Variants in KDM2A observed in about 807,000 individuals in gnomAD.
KDM2A encodes lysine demethylase 2A, also known as lysine-specific demethylase 2A.
A neutral mutation model predicts 137.3 loss-of-function variants in KDM2A; 3 were observed. The observed-to-expected ratio is 0.02, with a 90% confidence interval of 0.01 to 0.06. The LOEUF is 0.06. Ranked by LOEUF, KDM2A falls within the 10% of genes least tolerant of loss-of-function variation. The pLI is 1.00. For missense variants in KDM2A, 738 were observed against 1,510.6 expected, an observed-to-expected ratio of 0.49 and a Z score of 8.48; for synonymous variants, 512 against 541.5, an observed-to-expected ratio of 0.95 and a Z score of 0.76.
At chr11:67,136,161 T>C (rs967580657) in intron 2 of KDM2A, among the ~76,000 whole-genome samples, 1 of 152,204 alleles carries the variant, frequency 6.6e-6, no homozygotes, top group Admixed American at 6.5e-5. Flanking sequence ...TACTGTGTGC[T>C]TGGTACTGGC....
intron 5 of KDM2A, among the ~76,000 whole-genome samples, chr11:67,184,966 G>A (rs1166420412): frequency 2.0e-5 from 3 of 152,118 alleles, no homozygotes; most frequent in East Asian, 3.9e-4. Context: ...TAAGGCATAC[G>A]AAGAAAAAGG....
At chr11:67,224,984 G>A (rs1021691916) in intron 10 of KDM2A, among the ~76,000 whole-genome samples, 1 of 151,748 alleles carries the variant, frequency 6.6e-6, no homozygotes, top group Non-Finnish European at 1.5e-5. Context: ...TGGGATTACA[G>A]GTATGCACCA....
At chr11:67,232,936 T>C (rs993205818) in intron 12 of KDM2A, among the ~76,000 whole-genome samples, 5 of 151,800 alleles carry the variant, frequency 3.3e-5, no homozygotes, top group Non-Finnish European at 5.9e-5. Context: ...TCTCGAACTC[T>C]TGACCTCAGG....
intron 5 of KDM2A, among the ~76,000 whole-genome samples, chr11:67,201,337 A>G (rs552055684): frequency 6.6e-6 from 1 of 152,110 alleles, no homozygotes; most frequent in South Asian, 2.1e-4. Flanking sequence ...ACCACTGTAG[A>G]TGCCATTAAG....
At chr11:67,205,166 A>G (rs1208753530) in intron 5 of KDM2A, among the ~76,000 whole-genome samples, 10 of 152,126 alleles carry the variant, frequency 6.6e-5, no homozygotes, top group Non-Finnish European at 1.0e-4. Context: ...GCTAGCACTC[A>G]TTATTTTCCA....
At chr11:67,194,317 G>GT (rs1857429707) in intron 5 of KDM2A, among the ~76,000 whole-genome samples, 1 of 152,136 alleles carries the variant, frequency 6.6e-6, no homozygotes, top group Non-Finnish European at 1.5e-5. Context: ...CCCAGCAGCT[G>GT]CTCAGCCAGA....
At chr11:67,166,868 G>A (rs1388477846) in intron 2 of KDM2A, among the ~76,000 whole-genome samples, 1 of 152,144 alleles carries the variant, frequency 6.6e-6, no homozygotes. Flanking sequence ...CTTGAGGTCA[G>A]GAGTTTGAGA....
At chr11:67,209,238 G>A (rs1857904700) in intron 6 of KDM2A, among the ~76,000 whole-genome samples, 2 of 151,538 alleles carry the variant, frequency 1.3e-5, no homozygotes, top group Non-Finnish European at 2.9e-5. Context: ...GGGCCGAAAG[G>A]AACTATTTTT....
chr11:67,215,581 T>C (rs1055308701), intron 7 of KDM2A, 135 bp downstream of exon 7: 3 of 662,184 alleles, frequency 4.5e-6, no homozygotes, highest in East Asian at 2.7e-5. Context: ...GATGAGACTT[T>C]ACAGTTCCAC....
chr11:67,171,666 C>G (rs1382010743), intron 2 of KDM2A, among the ~76,000 whole-genome samples: 1 of 152,158 alleles, frequency 6.6e-6, no homozygotes, highest in Middle Eastern at 3.2e-3. Flanking sequence ...TAAAATAAAT[C>G]CATCATTCGT....
At chr11:67,123,134 T>A (rs1053222346) in intron 2 of KDM2A, among the ~76,000 whole-genome samples, 1 of 151,738 alleles carries the variant, frequency 6.6e-6, no homozygotes, top group East Asian at 1.9e-4. Flanking sequence ...CATGCCAGGG[T>A]AATTTTCAGA....
intron 12 of KDM2A, among the ~76,000 whole-genome samples, chr11:67,241,656 T>A (rs1859046278): frequency 6.6e-6 from 1 of 152,190 alleles, no homozygotes; most frequent in Non-Finnish European, 1.5e-5. Context: ...AGAAAAGGAA[T>A]CATGTAACTT....
At chr11:67,126,726 A>G (rs960894533) in intron 2 of KDM2A, among the ~76,000 whole-genome samples, 19 of 150,074 alleles carry the variant, frequency 1.3e-4, no homozygotes, top group Non-Finnish European at 2.4e-4. Flanking sequence ...AAAAAAAAAA[A>G]GTATTTTTTG....
chr11:67,152,014 A>G (rs796891412), intron 2 of KDM2A, among the ~76,000 whole-genome samples: 13 of 152,276 alleles, frequency 8.5e-5, no homozygotes, highest in African/African-American at 2.9e-4. Flanking sequence ...AATAAAATAT[A>G]TTATTAAAAT....
intron 2 of KDM2A, among the ~76,000 whole-genome samples, chr11:67,124,661 G>T (rs1294146743): frequency 2.0e-5 from 3 of 149,728 alleles, no homozygotes; most frequent in Admixed American, 1.3e-4. Flanking sequence ...AGGAATAGTG[G>T]GAAGGAGAGT....
intron 1 of KDM2A, 103 bp downstream of exon 1, chr11:67,120,152 G>T (rs1447135468): frequency 6.6e-6 from 1 of 152,022 alleles, no homozygotes; most frequent in African/African-American, 2.4e-5. Context: ...GTGAACCATT[G>T]AAACGCCTTT....
intron 2 of KDM2A, among the ~76,000 whole-genome samples, chr11:67,127,493 T>G (rs1322028252): frequency 1.3e-5 from 2 of 152,022 alleles, no homozygotes. Flanking sequence ...AAATAAGAAA[T>G]TGAGAGCTTT....
chr11:67,243,163 A>G, intron 13 of KDM2A, 71 bp downstream of exon 13: 1 of 1,128,574 alleles, frequency 8.9e-7, no homozygotes, highest in Non-Finnish European at 1.3e-6. Flanking sequence ...CATTCTGGGG[A>G]AAACAAGAAC....
intron 5 of KDM2A, among the ~76,000 whole-genome samples, chr11:67,203,511 A>G (rs996418061): frequency 1.4e-5 from 2 of 147,642 alleles, no homozygotes; most frequent in Non-Finnish European, 3.0e-5. Context: ...TATAATATAT[A>G]ATATAAAATA....
Sources: gnomAD v4.1 joint callset for allele counts (sites outside exome capture counted in the v4.1 genomes callset) on GRCh38, gnomAD v4.1.1 for gene constraint, MANE v1.5 for transcripts, NCBI Gene and HGNC (gene_info 2026-07-23, HGNC 2026-07-21) for gene names.